Variants in ABCB11 observed in about 807,000 individuals in gnomAD.
ABCB11 encodes the protein bile salt export pump.
In ABCB11, 95 loss-of-function variants were observed where a neutral mutation model predicts 148.0. That is an observed-to-expected ratio of 0.64 (90% CI 0.54 to 0.76). ABCB11 has a LOEUF of 0.76. Among genes scored for constraint, ABCB11 ranks in the 30% least tolerant of loss-of-function variants. The pLI is 0.00. For missense variants in ABCB11, 1,523 were observed against 1,617.8 expected (o/e 0.94, Z 1.01); for synonymous variants, 591 against 555.4 (o/e 1.06, Z -0.90).
chr2:169,018,575 G>A (rs1450632925), intron 1 of ABCB11, among the ~76,000 whole-genome samples: 2 of 152,178 alleles, frequency 1.3e-5, no homozygotes, highest in Non-Finnish European at 2.9e-5. Flanking sequence ...CCCACATACT[G>A]TTGGGTAACC....
At chr2:168,920,687 A>T (rs1487988853), downstream of ABCB11, among the ~76,000 whole-genome samples, 3 of 152,240 alleles carry the variant, frequency 2.0e-5, no homozygotes, top group Non-Finnish European at 4.4e-5. Flanking sequence ...CCCCTTGGTC[A>T]TCTGAGAAAC....
chr2:168,950,720 T>C (rs1692525493), intron 19 of ABCB11, among the ~76,000 whole-genome samples: 1 of 151,858 alleles, frequency 6.6e-6, no homozygotes, highest in African/African-American at 2.4e-5. Flanking sequence ...TCTCCAATTG[T>C]GTAAGTTGTT....
chr2:168,915,799 A>G (rs1205293292), downstream of ABCB11, among the ~76,000 whole-genome samples: 1 of 152,210 alleles, frequency 6.6e-6, no homozygotes, highest in Non-Finnish European at 1.5e-5. Flanking sequence ...TGACAAGACA[A>G]TGTCACCTGG....
chr2:168,934,460 T>C (rs1691726889), intron 23 of ABCB11, among the ~76,000 whole-genome samples: 1 of 152,178 alleles, frequency 6.6e-6, no homozygotes, highest in South Asian at 2.1e-4. Context: ...GGCTTTCACC[T>C]CTGGAAATGT....
At chr2:168,935,493 C>T in intron 22 of ABCB11, 68 bp from the exon 23 acceptor site, 1 of 1,542,690 alleles carries the variant, frequency 6.5e-7, no homozygotes, top group Non-Finnish European at 8.8e-7. Context: ...ATTTCAGTGG[C>T]TGCCTGGATT....
downstream of ABCB11, among the ~76,000 whole-genome samples, chr2:168,919,630 TA>T: frequency 6.6e-6 from 1 of 151,060 alleles, no homozygotes; most frequent in Non-Finnish European, 1.5e-5. Flanking sequence ...CCTTATTTTT[TA>T]AAAAAAAAGC....
chr2:168,993,998 G>A (rs1257978639), intron 7 of ABCB11, 116 bp from the exon 8 acceptor site: 1 of 884,514 alleles, frequency 1.1e-6, no homozygotes, highest in African/African-American at 1.7e-5. Context: ...TATCACCCTT[G>A]GATAGCATTA....
chr2:168,992,674 G>A lies in ABCB11; in HGVS notation c.783+1037C>T, dbSNP rs567223127. Reference sequence around the variant, plus strand: ...CCTATTTTAAAGACAAGGAAACTGAGGTTTTCAGGGGTTAAATGGATTTTT... The same window carrying A: ...CCTATTTTAAAGACAAGGAAACTGAAGTTTTCAGGGGTTAAATGGATTTTT... On this transcript the variant is annotated intron_variant, in intron 8 of 27. Transcript: ENST00000650372. 1.1e-4 allele frequency among the ~76,000 whole-genome samples: 16 copies of A among 152,192 alleles called. No homozygotes were observed. The South Asian group carries it at 3.1e-3, about 30-fold the overall frequency.
chr2:168,929,434 C>A lies in ABCB11; in HGVS notation c.3411+1231G>T, dbSNP rs532836088. 1.6e-4 allele frequency among the ~76,000 whole-genome samples: 24 copies of A among 151,912 alleles called. No homozygotes were observed. The Middle Eastern group carries it at 0.01, about 65-fold the overall frequency. ...AAAAGAAACCTTTCAGAAAAACAAT[C>A]AAAAAAATATAATGTAAATGTAACT... On this transcript the variant is annotated intron_variant, in intron 25 of 27. Transcript: ENST00000650372.
intron 11 of ABCB11, among the ~76,000 whole-genome samples, chr2:168,977,922 G>C (rs1302557709): frequency 6.6e-6 from 1 of 152,104 alleles, no homozygotes; most frequent in East Asian, 1.9e-4. Context: ...TTCAAGATAA[G>C]ATTTGGGTGG....
intron 25 of ABCB11, among the ~76,000 whole-genome samples, chr2:168,927,766 AG>A (rs1198728161): frequency 1.3e-5 from 2 of 152,208 alleles, no homozygotes; most frequent in Non-Finnish European, 2.9e-5. Context: ...GGGCAATATA[AG>A]GGTCAAACCT....
At chr2:168,952,529 T>C (rs1692612287) in intron 19 of ABCB11, among the ~76,000 whole-genome samples, 1 of 151,608 alleles carries the variant, frequency 6.6e-6, no homozygotes, top group Non-Finnish European at 1.5e-5. Context: ...TAGTCTGTGA[T>C]AATCTTTTGT....
At chr2:168,962,188 T>C (rs1693108607) in intron 18 of ABCB11, among the ~76,000 whole-genome samples, 1 of 151,720 alleles carries the variant, frequency 6.6e-6, no homozygotes, top group African/African-American at 2.4e-5. Flanking sequence ...TATAATCACA[T>C]TGGCTCTCCT....
chr2:168,961,033 C>T (rs527983984), intron 18 of ABCB11, among the ~76,000 whole-genome samples: 2 of 151,814 alleles, frequency 1.3e-5, no homozygotes, highest in South Asian at 2.1e-4. Flanking sequence ...GTAACAATAG[C>T]TCTTGTTCAT....
chr2:168,963,954 A>G (rs1273228522), intron 18 of ABCB11, among the ~76,000 whole-genome samples: 1 of 151,872 alleles, frequency 6.6e-6, no homozygotes, highest in East Asian at 1.9e-4. Flanking sequence ...TAGTTTGTCT[A>G]AGACAATTAA....
At position 168,969,571 on chromosome 2, in the gene ABCB11, A is replaced by T. The variant is rs1693479408; in HGVS notation, c.1810-20T>A. The T allele has an allele frequency of 1.3e-6, 2 of 1,598,586 alleles. No individual in the cohort carries two copies. Among genetic ancestry groups the T allele is most frequent in the South Asian group, 2.2e-5 (2 of 90,342 alleles). On this transcript the variant is annotated intron_variant, in intron 15 of 27. Coordinates refer to ENST00000650372, the MANE Select transcript of ABCB11 (RefSeq NM_003742.4). ...CTGAATCTGTAAGAATGTACAGTGC[A>T]CCATTAAACAAAACTGTGAGACAGA...
intron 5 of ABCB11, among the ~76,000 whole-genome samples, chr2:169,010,755 G>A (rs1695157116): frequency 6.6e-6 from 1 of 152,042 alleles, no homozygotes; most frequent in South Asian, 2.1e-4. Context: ...AAACAAACAT[G>A]TTATTCAGAA....
chr2:168,958,847 A>G (rs927193033), intron 18 of ABCB11, among the ~76,000 whole-genome samples: 2 of 151,662 alleles, frequency 1.3e-5, no homozygotes, highest in Non-Finnish European at 3.0e-5. Flanking sequence ...TTTCCTTGCT[A>G]TGGATACTAC....
chr2:169,001,102 T>C (rs961442044), intron 5 of ABCB11, among the ~76,000 whole-genome samples: 9 of 152,196 alleles, frequency 5.9e-5, no homozygotes, highest in Admixed American at 5.9e-4. Flanking sequence ...TTACCTCCCA[T>C]TACATACCTC....
Sources: allele counts gnomAD v4.1 joint callset (sites outside exome capture counted in the v4.1 genomes callset), GRCh38; gene constraint gnomAD v4.1.1; transcripts MANE v1.5; gene names NCBI Gene and HGNC (gene_info 2026-07-23, HGNC 2026-07-21).